The following NEGR1 variants were observed in gnomAD, a reference collection of about 807,000 sequenced individuals.
NEGR1 encodes neuronal growth regulator 1.
In NEGR1, 10 loss-of-function variants were observed where a neutral mutation model predicts 40.9. That is an observed-to-expected ratio of 0.24 (90% confidence interval 0.15 to 0.42). The LOEUF is 0.42. Ranked by LOEUF, NEGR1 falls within the 10% of genes least tolerant of loss-of-function variation. NEGR1 has a pLI of 1.00. For synonymous variants in NEGR1, 185 were observed against 166.8 expected (o/e 1.11, Z -0.84); for missense variants, 352 against 438.9 (o/e 0.80, Z 1.77).
At chr1:72,264,219 CATTT>C (rs1189611365) in intron 1 of NEGR1, among the ~76,000 whole-genome samples, 1 of 151,284 alleles carries the variant, frequency 6.6e-6, no homozygotes, top group South Asian at 2.1e-4. Context: ...GTTTACAAGA[CATTT>C]ATTATTCATA....
intron 2 of NEGR1, among the ~76,000 whole-genome samples, chr1:71,894,101 T>C (rs1044272571): frequency 3.4e-5 from 4 of 119,232 alleles, no homozygotes; most frequent in African/African-American, 1.3e-4. Flanking sequence ...AGGGATAGCA[T>C]TGGTAGATAT....
intron 2 of NEGR1, among the ~76,000 whole-genome samples, chr1:71,815,976 CCTTAA>C (rs1658191726): frequency 1.3e-5 from 2 of 152,044 alleles, no homozygotes; most frequent in South Asian, 4.1e-4. Flanking sequence ...CCCCTTATGT[CCTTAA>C]CTTGCTTTTT....
intron 1 of NEGR1, among the ~76,000 whole-genome samples, chr1:72,201,699 A>G (rs1370308346): frequency 6.6e-6 from 1 of 151,854 alleles, no homozygotes; most frequent in Non-Finnish European, 1.5e-5. Flanking sequence ...TCTTAGAATC[A>G]GTGAAATTCA....
chr1:72,068,482 A>T (rs1175483760), intron 1 of NEGR1, among the ~76,000 whole-genome samples: 3 of 152,060 alleles, frequency 2.0e-5, no homozygotes, highest in Non-Finnish European at 2.9e-5. Context: ...TCCTGCAAAA[A>T]CCCAGTGCTT....
intron 1 of NEGR1, among the ~76,000 whole-genome samples, chr1:72,171,119 T>C (rs1365187528): frequency 1.3e-5 from 2 of 152,118 alleles, no homozygotes. Context: ...TCTGGGTGTA[T>C]TTCAGAATGG....
intron 4 of NEGR1, 53 bp from the exon 5 acceptor site, chr1:71,611,199 A>C: frequency 6.6e-7 from 1 of 1,523,558 alleles, no homozygotes. Flanking sequence ...AATAATCCTC[A>C]ACAGAAATAT....
chr1:71,489,359 T>C (rs1646909844), intron 6 of NEGR1, among the ~76,000 whole-genome samples: 1 of 151,882 alleles, frequency 6.6e-6, no homozygotes, highest in African/African-American at 2.4e-5. Context: ...AGTGTTTCCT[T>C]GTTCCCTGCC....
chr1:71,920,434 T>C (rs902401548), intron 2 of NEGR1, among the ~76,000 whole-genome samples: 3 of 152,116 alleles, frequency 2.0e-5, no homozygotes, highest in African/African-American at 7.2e-5. Context: ...TAATTAAACC[T>C]CAAGCCTATC....
chr1:72,066,663 G>T (rs1451186425), intron 1 of NEGR1, among the ~76,000 whole-genome samples: 2 of 152,142 alleles, frequency 1.3e-5, no homozygotes, highest in Non-Finnish European at 2.9e-5. Context: ...AAAAGGCCCT[G>T]TGAGGACATA....
At chr1:72,238,039 C>T (rs554359792) in intron 1 of NEGR1, among the ~76,000 whole-genome samples, 1 of 151,948 alleles carries the variant, frequency 6.6e-6, no homozygotes, top group South Asian at 2.1e-4. Context: ...CATTTCTTGT[C>T]TTACTACATA....
At chr1:71,512,208 C>A (rs1647078830) in intron 6 of NEGR1, among the ~76,000 whole-genome samples, 1 of 152,096 alleles carries the variant, frequency 6.6e-6, no homozygotes, top group Non-Finnish European at 1.5e-5. Context: ...TCAAATGGAT[C>A]TTTTCTGATA....
chr1:72,156,727 A>T (rs1236660885), intron 1 of NEGR1, among the ~76,000 whole-genome samples: 1 of 152,202 alleles, frequency 6.6e-6, no homozygotes, highest in African/African-American at 2.4e-5. Context: ...TGATAGACTA[A>T]AATACATGGA....
chr1:72,217,269 A>C (rs1432367083), intron 1 of NEGR1, among the ~76,000 whole-genome samples: 1 of 151,834 alleles, frequency 6.6e-6, no homozygotes, highest in Non-Finnish European at 1.5e-5. Flanking sequence ...TGTTTCAATT[A>C]TGAAAATAAA....
intron 6 of NEGR1, among the ~76,000 whole-genome samples, chr1:71,528,693 A>G (rs963728708): frequency 1.3e-5 from 2 of 151,278 alleles, no homozygotes; most frequent in African/African-American, 4.8e-5. Context: ...TGTTTTTTCA[A>G]AAACAGTTCT....
intron 6 of NEGR1, among the ~76,000 whole-genome samples, chr1:71,444,491 A>G (rs1363462091): frequency 6.6e-6 from 1 of 152,184 alleles, no homozygotes; most frequent in Non-Finnish European, 1.5e-5. Flanking sequence ...ATATCCCATG[A>G]CACGTGGGAT....
At position 72,134,212 on chromosome 1, in the gene NEGR1, TC is replaced by T. The variant is rs367823461; in HGVS notation, c.176+148106del. 7.9e-5 allele frequency among the ~76,000 whole-genome samples: 12 copies of T among 151,202 alleles called. No individual in the cohort carries two copies. In the South Asian group the frequency reaches 2.5e-3, roughly 32 times the overall value. On this transcript the variant is annotated intron_variant, in intron 1 of 6. Transcript: ENST00000357731. ...TTTGGGGGGAAATACGTTTTTTTTT[TC>T]TTTTTTTTTTTTTGAGATGGAGTCT...
intron 1 of NEGR1, among the ~76,000 whole-genome samples, chr1:72,263,726 A>G (rs1031541744): frequency 6.6e-6 from 1 of 151,656 alleles, no homozygotes; most frequent in Admixed American, 6.6e-5. Flanking sequence ...CTATGTAGGC[A>G]TATCTTTTGG....
intron 1 of NEGR1, among the ~76,000 whole-genome samples, chr1:72,226,089 T>A (rs1654182300): frequency 6.6e-6 from 1 of 151,838 alleles, no homozygotes; most frequent in African/African-American, 2.4e-5. Context: ...AGGGTGGAAG[T>A]GAAATAATAA....
intron 3 of NEGR1, among the ~76,000 whole-genome samples, chr1:71,707,805 T>A (rs1036191572): frequency 6.6e-6 from 1 of 152,074 alleles, no homozygotes; most frequent in East Asian, 1.9e-4. Flanking sequence ...AGGACAGAGA[T>A]GGAGATGATT....
Sources: allele counts gnomAD v4.1 joint callset (sites outside exome capture counted in the v4.1 genomes callset), GRCh38; gene constraint gnomAD v4.1.1; transcripts MANE v1.5; gene names NCBI Gene and HGNC (gene_info 2026-07-23, HGNC 2026-07-21).